SMARCC1: variants seen among roughly 807,000 people sequenced by gnomAD.
The protein encoded by SMARCC1 is SWI/SNF complex subunit SMARCC1.
In SMARCC1, 43 loss-of-function variants were observed where a neutral mutation model predicts 147.4. The ratio of observed to expected loss-of-function variants is 0.29; its 90% CI spans 0.23 to 0.38. The LOEUF is 0.38. SMARCC1 is among the 10% of genes least tolerant of loss of function. SMARCC1 has a pLI of 1.00. For missense variants in SMARCC1, 1,119 were observed against 1,381.1 expected, an observed-to-expected ratio of 0.81 and a Z score of 3.01; for synonymous variants, 495 against 484.4, an observed-to-expected ratio of 1.02 and a Z score of -0.29.
At chr3:47,778,421 A>C (rs2035003610) in intron 1 of SMARCC1, among the ~76,000 whole-genome samples, 1 of 151,822 alleles carries the variant, frequency 6.6e-6, no homozygotes, top group African/African-American at 2.4e-5. Context: ...TGATCCTCCA[A>C]GGACCCTGCC....
chr3:47,775,032 G>T (rs1345875125), intron 1 of SMARCC1, among the ~76,000 whole-genome samples: 2 of 152,004 alleles, frequency 1.3e-5, no homozygotes, highest in African/African-American at 2.4e-5. Flanking sequence ...TAGAACTCCT[G>T]GGTTCAAGTG....
chr3:47,670,537 T>G, intron 19 of SMARCC1, 121 bp downstream of exon 19: 1 of 709,260 alleles, frequency 1.4e-6, no homozygotes, highest in East Asian at 2.6e-5. Context: ...TGAGCTACCA[T>G]CAGGCCACTG....
chr3:47,765,735 A>AC (rs1553691978), intron 2 of SMARCC1, among the ~76,000 whole-genome samples: 1 of 144,992 alleles, frequency 6.9e-6, no homozygotes, highest in African/African-American at 2.5e-5. Context: ...TTGCAAATTA[A>AC]TTTTTTTTTT....
intron 8 of SMARCC1, among the ~76,000 whole-genome samples, chr3:47,714,186 A>G (rs1402636195): frequency 6.6e-6 from 1 of 152,184 alleles, no homozygotes; most frequent in African/African-American, 2.4e-5. Context: ...CAATCCAGTA[A>G]AACTCCGTCT....
chr3:47,588,348 CAA>C, intron 27 of SMARCC1, 42 bp from the exon 28 acceptor site: 5 of 1,567,618 alleles, frequency 3.2e-6, no homozygotes, highest in Non-Finnish European at 4.4e-6. Flanking sequence ...GCTGGAAATA[CAA>C]GAGACTCAGG....
chr3:47,659,448 T>C lies in SMARCC1; in HGVS notation c.2320+1846A>G, dbSNP rs116489910. 7.3e-3 allele frequency among the ~76,000 whole-genome samples: 1,116 copies of C among 152,056 alleles called. 14 individuals carry two copies. The highest frequency in any genetic ancestry group is 0.026 in the African/African-American group (1,085 of 41,506). Reference sequence around the variant, plus strand: ...CAAAAGACTAGCAAACCAAATCTGATAGCATGTTAAATGGATTATTTACAA... The same window carrying C: ...CAAAAGACTAGCAAACCAAATCTGACAGCATGTTAAATGGATTATTTACAA... On this transcript the variant is annotated intron_variant, in intron 21 of 27. Coordinates refer to ENST00000254480, the MANE Select transcript of SMARCC1 (RefSeq NM_003074.4).
At chr3:47,760,726 T>G (rs1184989271) in intron 2 of SMARCC1, among the ~76,000 whole-genome samples, 2 of 152,070 alleles carry the variant, frequency 1.3e-5, no homozygotes, top group African/African-American at 4.8e-5. Flanking sequence ...GCGTGGTAGC[T>G]CAAAGCAGCA....
intron 9 of SMARCC1, among the ~76,000 whole-genome samples, chr3:47,710,444 C>T (rs2106797946): frequency 6.6e-6 from 1 of 152,216 alleles, no homozygotes; most frequent in Non-Finnish European, 1.5e-5. Flanking sequence ...TACCCTTCTG[C>T]ATGGGCCACT....
chr3:47,710,007 A>G (rs1007041147), intron 9 of SMARCC1, among the ~76,000 whole-genome samples: 2 of 152,132 alleles, frequency 1.3e-5, no homozygotes, highest in African/African-American at 4.8e-5. Flanking sequence ...CCATCTGTGG[A>G]TTAACAGTTA....
intron 12 of SMARCC1, among the ~76,000 whole-genome samples, chr3:47,692,793 C>T (rs2033805482): frequency 6.6e-6 from 1 of 152,130 alleles, no homozygotes; most frequent in South Asian, 2.1e-4. Flanking sequence ...GAGGCCGAGA[C>T]AGGCGGATCA....
chr3:47,722,565 G>C lies in SMARCC1; in HGVS notation c.647-1830C>G, dbSNP rs142840709. Among the ~76,000 whole-genome samples, 215 of 151,900 alleles carry C rather than the reference G, an allele frequency of 1.4e-3. 1 individual carries two copies. In the East Asian group the frequency reaches 0.033, roughly 23 times the overall value. ...ACCACCTCGGCCTCCCAAAGTGCTGGGATTACAGGCATGAGCCGCTGTGCC... is the reference window on the plus strand; with the variant it reads ...ACCACCTCGGCCTCCCAAAGTGCTGCGATTACAGGCATGAGCCGCTGTGCC... On this transcript the variant is annotated intron_variant, in intron 6 of 27. Coordinates refer to ENST00000254480, the MANE Select transcript of SMARCC1 (RefSeq NM_003074.4).
intron 27 of SMARCC1, among the ~76,000 whole-genome samples, chr3:47,590,371 AC>A (rs1345658313): frequency 2.0e-5 from 3 of 152,250 alleles, no homozygotes; most frequent in Non-Finnish European, 4.4e-5. Context: ...GAGAGTCATA[AC>A]AAGACAGGCT....
intron 2 of SMARCC1, among the ~76,000 whole-genome samples, chr3:47,768,766 A>C (rs1467019656): frequency 6.6e-6 from 1 of 152,188 alleles, no homozygotes; most frequent in Non-Finnish European, 1.5e-5. Flanking sequence ...TAAAATACAT[A>C]ACACACACAC....
intron 26 of SMARCC1, among the ~76,000 whole-genome samples, chr3:47,601,005 G>GAGAGAGAGAGAGAA (rs2032374434): frequency 1.5e-5 from 1 of 65,420 alleles, no homozygotes; most frequent in Non-Finnish European, 3.4e-5. Context: ...AAATGAGAGA[G>GAGAGAGAGAGAGAA]AGAGAGAGAG....
At position 47,676,689 on chromosome 3, in the gene SMARCC1, A is replaced by G. The variant is rs1296613157; in HGVS notation, c.1665T>C (p.His555=). ...PMAMGPPPTP[H]FNVLADTPSG... is the part of the protein sequence containing the mutation. ...AGGGGGTATCAGCTAATACATTAAA[A>G]TGAGGAGTAGGAGGAGGTCCCATTG... is the stretch of plus-strand genomic sequence containing the variant. Residue 555 remains histidine (H), a synonymous_variant, in exon 17 of 28, where the codon CAT becomes CAC. Coordinates refer to ENST00000254480, the MANE Select transcript of SMARCC1 (RefSeq NM_003074.4). The G allele has an allele frequency of 1.2e-6, 2 of 1,613,728 alleles. No individual in the cohort carries two copies. The highest frequency in any genetic ancestry group is 1.7e-6 in the Non-Finnish European group (2 of 1,179,824).
intron 26 of SMARCC1, among the ~76,000 whole-genome samples, chr3:47,594,912 C>G (rs1371704500): frequency 6.6e-6 from 1 of 152,226 alleles, no homozygotes; most frequent in Non-Finnish European, 1.5e-5. Flanking sequence ...ATAAGATCTG[C>G]ATACCTACAT....
intron 14 of SMARCC1, among the ~76,000 whole-genome samples, chr3:47,681,359 A>T (rs1296915751): frequency 6.6e-6 from 1 of 152,206 alleles, no homozygotes; most frequent in Non-Finnish European, 1.5e-5. Flanking sequence ...TTACTTTTTT[A>T]AAAATTTCAC....
At chr3:47,675,108 T>C (rs1488758119) in intron 18 of SMARCC1, among the ~76,000 whole-genome samples, 1 of 152,200 alleles carries the variant, frequency 6.6e-6, no homozygotes, top group African/African-American at 2.4e-5. Flanking sequence ...TCCAATTTTT[T>C]CTCTTGGTAC....
At chr3:47,643,553 AGTCTGACACG>A (rs1197742841) in intron 21 of SMARCC1, among the ~76,000 whole-genome samples, 1 of 152,250 alleles carries the variant, frequency 6.6e-6, no homozygotes, top group Admixed American at 6.5e-5. Flanking sequence ...AAGTCTCAGA[AGTCTGACACG>A]GTCATTTAGA....
Sources: gnomAD v4.1 joint callset for allele counts (sites outside exome capture counted in the v4.1 genomes callset) on GRCh38, gnomAD v4.1.1 for gene constraint, MANE v1.5 for transcripts, NCBI Gene and HGNC (gene_info 2026-07-23, HGNC 2026-07-21) for gene names.